Variants in PPP1R9A observed in about 807,000 individuals in gnomAD.
PPP1R9A encodes the protein protein phosphatase 1 regulatory subunit 9A.
PPP1R9A carries 59 observed loss-of-function variants against 141.9 expected under a neutral mutation model. That is an observed-to-expected ratio of 0.42 (90% CI 0.34 to 0.52). The LOEUF (loss-of-function observed/expected upper bound fraction) is 0.52. PPP1R9A is among the 20% of genes least tolerant of loss of function. The pLI, the probability that PPP1R9A is intolerant of heterozygous loss-of-function variation, is 0.10. For missense variants in PPP1R9A, 1,444 were observed against 1,611.9 expected (o/e 0.90, Z 1.78); for synonymous variants, 500 against 569.7 (o/e 0.88, Z 1.74).
chr7:94,921,419 C>T (rs1309702977), intron 2 of PPP1R9A, among the ~76,000 whole-genome samples: 1 of 150,650 alleles, frequency 6.6e-6, no homozygotes, highest in Non-Finnish European at 1.5e-5. Flanking sequence ...TGCACTCCAG[C>T]CTGGGCGACA....
chr7:95,180,348 CTCA>C (rs1833553897), intron 5 of PPP1R9A, among the ~76,000 whole-genome samples: 1 of 152,102 alleles, frequency 6.6e-6, no homozygotes, highest in Admixed American at 6.6e-5. Context: ...AAACTGGATC[CTCA>C]TCTCTCACCT....
At chr7:95,112,938 G>A (rs1458078598) in intron 3 of PPP1R9A, among the ~76,000 whole-genome samples, 1 of 152,060 alleles carries the variant, frequency 6.6e-6, no homozygotes, top group Non-Finnish European at 1.5e-5. Context: ...ACGAGGGTGG[G>A]AGGGGGATGG....
chr7:94,907,916 G>A (rs1030956504), intron 1 of PPP1R9A: 2 of 147,516 alleles, frequency 1.4e-5, no homozygotes, highest in Admixed American at 1.3e-4. Flanking sequence ...CGCGCCTCCC[G>A]GGGCCGCCCG....
chr7:95,022,294 A>G (rs187794251), intron 2 of PPP1R9A, among the ~76,000 whole-genome samples: 8 of 152,272 alleles, frequency 5.3e-5, no homozygotes, highest in Admixed American at 2.0e-4. Context: ...ATGTATAGGA[A>G]TGCTTGTGAT....
chr7:95,179,679 G>A (rs1395042995), intron 5 of PPP1R9A, among the ~76,000 whole-genome samples: 1 of 147,644 alleles, frequency 6.8e-6, no homozygotes, highest in Non-Finnish European at 1.5e-5. Flanking sequence ...AAAGTTTCTG[G>A]ATACAAAATT....
chr7:95,038,950 C>G (rs1211663384), intron 2 of PPP1R9A, among the ~76,000 whole-genome samples: 1 of 152,206 alleles, frequency 6.6e-6, no homozygotes, highest in South Asian at 2.1e-4. Flanking sequence ...ACCTCTAGCA[C>G]CCTACAGCAA....
At chr7:94,917,665 C>T (rs140215600) in intron 2 of PPP1R9A, among the ~76,000 whole-genome samples, 1 of 151,778 alleles carries the variant, frequency 6.6e-6, no homozygotes, top group Non-Finnish European at 1.5e-5. Flanking sequence ...GCCTTGGCCT[C>T]CCGAAGTGCT....
At chr7:95,053,379 A>G (rs1198500785) in intron 2 of PPP1R9A, among the ~76,000 whole-genome samples, 2 of 152,176 alleles carry the variant, frequency 1.3e-5, no homozygotes, top group African/African-American at 2.4e-5. Context: ...ACCTCACACT[A>G]AGGAAGTTTT....
intron 7 of PPP1R9A, among the ~76,000 whole-genome samples, chr7:95,219,378 G>C (rs1017886149): frequency 6.6e-6 from 1 of 152,066 alleles, no homozygotes; most frequent in East Asian, 1.9e-4. Flanking sequence ...GTAACCCGAT[G>C]TTTCTCTCTG....
chr7:94,949,950 T>C (rs1011601313), intron 2 of PPP1R9A, among the ~76,000 whole-genome samples: 1 of 151,926 alleles, frequency 6.6e-6, no homozygotes, highest in Non-Finnish European at 1.5e-5. Context: ...TTTGAACTTT[T>C]CTGCTTTTCT....
chr7:95,024,821 G>A (rs1174570188), intron 2 of PPP1R9A, among the ~76,000 whole-genome samples: 1 of 152,104 alleles, frequency 6.6e-6, no homozygotes, highest in Non-Finnish European at 1.5e-5. Context: ...CTGTCATTAT[G>A]ATGCTAGCTG....
chr7:95,017,365 A>G (rs1805244077), intron 2 of PPP1R9A, among the ~76,000 whole-genome samples: 1 of 152,194 alleles, frequency 6.6e-6, no homozygotes, highest in Non-Finnish European at 1.5e-5. Flanking sequence ...CTATAAAACA[A>G]CTACTAGAAC....
Position 95,281,900 on chromosome 7 carries a change from T to C in PPP1R9A, c.3297-2118T>C, listed in dbSNP as rs140372392. On this transcript the variant is annotated intron_variant, in intron 16 of 19. Coordinates refer to ENST00000433360, the MANE Select transcript of PPP1R9A (RefSeq NM_001166160.2). ...TTTAAAAATTCCCTTGATTCAGAAA[T>C]CTATAACCAGAGGAGATAATGATCA... Among the ~76,000 whole-genome samples, 962 of 152,298 alleles carry C rather than the reference T, an allele frequency of 6.3e-3. 6 individuals are homozygous for C. Among genetic ancestry groups the C allele is most frequent in the South Asian group, 0.031 (149 of 4,830 alleles).
At chr7:95,103,585 G>A (rs1819108412) in intron 2 of PPP1R9A, among the ~76,000 whole-genome samples, 1 of 151,974 alleles carries the variant, frequency 6.6e-6, no homozygotes, top group African/African-American at 2.4e-5. Flanking sequence ...AGCCAGGTTG[G>A]TCTAGATCTC....
At chr7:95,126,756 T>G (rs1316237971) in intron 4 of PPP1R9A, among the ~76,000 whole-genome samples, 1 of 152,174 alleles carries the variant, frequency 6.6e-6, no homozygotes, top group African/African-American at 2.4e-5. Context: ...TAAGAGAGAT[T>G]ATCAGTGTTA....
At chr7:94,968,910 G>A (rs770631067) in intron 2 of PPP1R9A, among the ~76,000 whole-genome samples, 2 of 151,518 alleles carry the variant, frequency 1.3e-5, no homozygotes, top group African/African-American at 2.4e-5. Flanking sequence ...TCTTGGATAC[G>A]CTTTCTTCTG....
At chr7:95,129,286 A>C (rs1429970611) in intron 4 of PPP1R9A, among the ~76,000 whole-genome samples, 5 of 152,062 alleles carry the variant, frequency 3.3e-5, no homozygotes, top group African/African-American at 1.2e-4. Flanking sequence ...GCATTCCTAC[A>C]TTATTCTTGT....
rs141386049 is a variant in PPP1R9A, at chr7:95,221,646, A to G, written c.1957-4315A>G. Among the ~76,000 whole-genome samples the G allele has an allele frequency of 7.9e-4, 120 of 152,178 alleles. 1 individual carries two copies. The East Asian group carries it at 0.023, about 29-fold the overall frequency. On this transcript the variant is annotated intron_variant, in intron 7 of 19. Coordinates refer to ENST00000433360, the MANE Select transcript of PPP1R9A (RefSeq NM_001166160.2). ...AAATGAAGTTGTTGTATCTATGAAA[A>G]CTAAATACAGTGCTTTGGGAAGATT...
At chr7:94,999,818 T>G (rs186203293) in intron 2 of PPP1R9A, among the ~76,000 whole-genome samples, 3,775 of 145,260 alleles carry the variant, frequency 0.026, 88 homozygotes, top group Non-Finnish European at 0.038. Flanking sequence ...TATTTATTTA[T>G]TTAGATAGAG....
Sources: gnomAD v4.1 joint callset for allele counts (sites outside exome capture counted in the v4.1 genomes callset) on GRCh38, gnomAD v4.1.1 for gene constraint, MANE v1.5 for transcripts, NCBI Gene and HGNC (gene_info 2026-07-23, HGNC 2026-07-21) for gene names.